Variants in TMEM63C observed in about 807,000 individuals in gnomAD.
TMEM63C encodes transmembrane protein 63C, also known as osmosensitive cation channel TMEM63C.
A neutral mutation model predicts 99.2 loss-of-function variants in TMEM63C; 32 were observed. The ratio of observed to expected loss-of-function variants is 0.32; its 90% CI spans 0.24 to 0.43. The LOEUF is 0.43. TMEM63C is among the 20% of genes least tolerant of loss of function. The pLI is 1.00. For synonymous variants in TMEM63C, 376 were observed against 397.9 expected (o/e 0.94, Z 0.66); for missense variants, 826 against 1,053.0 (o/e 0.78, Z 2.98).
intron 2 of TMEM63C, among the ~76,000 whole-genome samples, chr14:77,217,904 G>A (rs1016555805): frequency 1.3e-5 from 2 of 152,188 alleles, no homozygotes; most frequent in Non-Finnish European, 2.9e-5. Flanking sequence ...TGAACTCATG[G>A]AGATAGAGAG....
intron 1 of TMEM63C, among the ~76,000 whole-genome samples, chr14:77,204,728 A>G (rs1888366903): frequency 6.6e-6 from 1 of 152,248 alleles, no homozygotes; most frequent in Non-Finnish European, 1.5e-5. Flanking sequence ...AGCCATTGCA[A>G]TGTGCTAGGC....
intron 2 of TMEM63C, among the ~76,000 whole-genome samples, chr14:77,216,713 G>T (rs1390717507): frequency 1.3e-5 from 2 of 152,090 alleles, no homozygotes; most frequent in East Asian, 1.9e-4. Context: ...GGCAAATCTT[G>T]TTGGCTCCAC....
chr14:77,245,542 C>T, intron 16 of TMEM63C, among the ~76,000 whole-genome samples: 1 of 152,150 alleles, frequency 6.6e-6, no homozygotes, highest in Non-Finnish European at 1.5e-5. Context: ...GGGTAATTAA[C>T]ATAGGAAAAA....
chr14:77,238,572 G>A, intron 9 of TMEM63C, 122 bp from the exon 10 acceptor site: 1 of 746,052 alleles, frequency 1.3e-6, no homozygotes. Flanking sequence ...TCAGCAAGGA[G>A]GCACTGGCAT....
At chr14:77,206,999 C>T (rs911214550) in intron 1 of TMEM63C, among the ~76,000 whole-genome samples, 1 of 151,468 alleles carries the variant, frequency 6.6e-6, no homozygotes, top group Non-Finnish European at 1.5e-5. Context: ...TCCTCCTCCC[C>T]GTGTCTCCCT....
intron 1 of TMEM63C, among the ~76,000 whole-genome samples, chr14:77,182,740 TTGTC>T (rs1223511111): frequency 6.6e-6 from 1 of 152,112 alleles, no homozygotes; most frequent in East Asian, 1.9e-4. Context: ...AGCAATTAGA[TTGTC>T]TGGGGACAGG....
At position 77,224,832 on chromosome 14, in the gene TMEM63C, A is replaced by AT. The variant is rs556951532; in HGVS notation, c.313-581dup. 6.6e-3 allele frequency among the ~76,000 whole-genome samples: 981 copies of AT among 149,448 alleles called. 12 individuals carry two copies. Among genetic ancestry groups the AT allele is most frequent in the African/African-American group, 0.021 (870 of 40,840 alleles). On this transcript the variant is annotated intron_variant, in intron 5 of 23. Transcript: ENST00000298351. ...ACACCCATATCAATCCCCTTAAGGG[A>AT]TTTTTTTTTTTAATTTTAATAAGTG...
At chr14:77,248,931 T>C in intron 20 of TMEM63C, 59 bp downstream of exon 20, 1 of 1,461,924 alleles carries the variant, frequency 6.8e-7, no homozygotes, top group South Asian at 1.1e-5. Flanking sequence ...GAGGAGGAAT[T>C]GAGCCTCACA....
intron 1 of TMEM63C, among the ~76,000 whole-genome samples, chr14:77,204,561 C>T (rs2140099271): frequency 6.6e-6 from 1 of 152,334 alleles, no homozygotes; most frequent in Middle Eastern, 3.4e-3. Flanking sequence ...CTATCCAGCA[C>T]AGCAGAGGAA....
chr14:77,245,783 C>T (rs1445545981), intron 16 of TMEM63C, among the ~76,000 whole-genome samples, 157 bp from the exon 17 acceptor site: 1 of 152,198 alleles, frequency 6.6e-6, no homozygotes, highest in Non-Finnish European at 1.5e-5. Flanking sequence ...GGGTCCCTCC[C>T]ACAACATGTG....
Position 77,256,515 on chromosome 14 carries a change from A to T in TMEM63C, c.2221-11A>T, listed in dbSNP as rs1197284777. The T allele has an allele frequency of 1.9e-6, 3 of 1,613,684 alleles. No homozygotes were observed. Among genetic ancestry groups the T allele is most frequent in the Admixed American group, 3.3e-5 (2 of 60,000 alleles). ...GACCTTGCTCCTGTCCCCTGTCTCT[A>T]TCCCAAGCAGCTGTATGTGGCCACC... is the stretch of plus-strand genomic sequence containing the variant. On this transcript the variant is annotated splice_polypyrimidine_tract_variant and intron_variant, in intron 23 of 23. Coordinates refer to ENST00000298351, the MANE Select transcript of TMEM63C (RefSeq NM_020431.4).
At chr14:77,216,294 CCTT>C (rs1888585276) in intron 2 of TMEM63C, among the ~76,000 whole-genome samples, 1 of 152,210 alleles carries the variant, frequency 6.6e-6, no homozygotes, top group South Asian at 2.1e-4. Context: ...TTCTCAGTCT[CCTT>C]CTCTGTTTCC....
chr14:77,245,292 G>A (rs927292172), intron 16 of TMEM63C, among the ~76,000 whole-genome samples: 1 of 152,178 alleles, frequency 6.6e-6, no homozygotes, highest in Non-Finnish European at 1.5e-5. Context: ...GGATCATGCT[G>A]TTCTTTCCTG....
chr14:77,209,523 T>C (rs1472872650), intron 1 of TMEM63C, among the ~76,000 whole-genome samples: 1 of 152,114 alleles, frequency 6.6e-6, no homozygotes, highest in Non-Finnish European at 1.5e-5. Context: ...GTCCCTACTA[T>C]CAAAGAGCCC....
At chr14:77,203,876 T>C (rs1461340342) in intron 1 of TMEM63C, among the ~76,000 whole-genome samples, 1 of 152,240 alleles carries the variant, frequency 6.6e-6, no homozygotes, top group Non-Finnish European at 1.5e-5. Flanking sequence ...CACCTCCCCA[T>C]TGGCAGCCTC....
rs1478245776 is a variant in TMEM63C at position 77,248,951 on chromosome 14, C to T, written c.1870+79C>T. ...GGAATTGAGCCTCACAACATCAGTC[C>T]ACCTCCTGGAGCATGGGGAGACCTG... is the stretch of plus-strand genomic sequence containing the variant. On this transcript the variant is annotated intron_variant, in intron 20 of 23. Transcript: ENST00000298351. The T allele has an allele frequency of 9.0e-6, 12 of 1,329,900 alleles. No homozygotes were observed. In the East Asian group the frequency reaches 9.2e-5, roughly 10 times the overall value. The allele number at this position is 1,329,900 out of a possible 1,614,324, so 82.4% of individuals were successfully genotyped here. A position where few individuals can be genotyped will look rare whatever the true frequency, so the allele number is the denominator to read the frequency against.
intron 18 of TMEM63C, 102 bp from the exon 19 acceptor site, chr14:77,248,245 G>A (rs751024051): frequency 9.9e-5 from 102 of 1,030,014 alleles, no homozygotes; most frequent in Non-Finnish European, 1.4e-4. Flanking sequence ...TCTCCACTCC[G>A]ATTCCCATTC....
At chr14:77,190,770 C>T (rs1407961522) in intron 1 of TMEM63C, among the ~76,000 whole-genome samples, 1 of 152,088 alleles carries the variant, frequency 6.6e-6, no homozygotes, top group African/African-American at 2.4e-5. Context: ...ATGGATATTG[C>T]TTAACATGAT....
intron 6 of TMEM63C, among the ~76,000 whole-genome samples, chr14:77,226,195 C>T (rs34291349): frequency 0.18 from 26,931 of 152,128 alleles, 2,629 homozygotes; most frequent in Non-Finnish European, 0.22. Flanking sequence ...GGCTCTCCCT[C>T]AGTGTGCTCC....
Sources: allele counts gnomAD v4.1 joint callset (sites outside exome capture counted in the v4.1 genomes callset), GRCh38; gene constraint gnomAD v4.1.1; transcripts MANE v1.5; gene names NCBI Gene and HGNC (gene_info 2026-07-23, HGNC 2026-07-21).